Variants in NCAM2 observed in about 807,000 individuals in gnomAD.
The protein encoded by NCAM2 is neural cell adhesion molecule 2.
In NCAM2, 30 loss-of-function variants were observed where a neutral mutation model predicts 98.1. The observed-to-expected ratio is 0.31, with a 90% CI of 0.23 to 0.41. NCAM2 has a LOEUF of 0.41. Ranked by LOEUF, NCAM2 falls within the 10% of genes least tolerant of loss-of-function variation. The probability of loss-of-function intolerance (pLI) is 1.00; values close to 1 mark genes in which losing one functional copy is unlikely to be tolerated. For missense variants in NCAM2, 867 were observed against 1,005.8 expected, an observed-to-expected ratio of 0.86 and a Z score of 1.87; for synonymous variants, 368 against 342.4, an observed-to-expected ratio of 1.07 and a Z score of -0.83.
intron 12 of NCAM2, among the ~76,000 whole-genome samples, chr21:21,456,748 G>A (rs188268319): frequency 1.1e-4 from 16 of 152,164 alleles, no homozygotes; most frequent in African/African-American, 3.9e-4. Flanking sequence ...GGCTTTGAGA[G>A]GTATTAAATC....
intron 1 of NCAM2, among the ~76,000 whole-genome samples, chr21:21,279,559 A>C (rs1001838740): frequency 3.3e-5 from 5 of 151,962 alleles, no homozygotes; most frequent in Admixed American, 6.6e-5. Flanking sequence ...GGGTTTCACC[A>C]TGTTTGCCAG....
intron 1 of NCAM2, among the ~76,000 whole-genome samples, chr21:21,202,003 T>A (rs1003512907): frequency 4.6e-5 from 7 of 152,156 alleles, no homozygotes; most frequent in Admixed American, 2.6e-4. Context: ...TATGCATCAG[T>A]GTCGCTTAAA....
At position 21,298,295 on chromosome 21, in the gene NCAM2, T is replaced by G. The variant is rs570557647; in HGVS notation, c.619+6054T>G. Among the ~76,000 whole-genome samples the G allele has an allele frequency of 6.6e-5, 10 of 151,838 alleles. No individual in the cohort carries two copies. In the East Asian group the frequency reaches 1.9e-3, roughly 30 times the overall value. On this transcript the variant is annotated intron_variant, in intron 5 of 17. Coordinates refer to ENST00000400546, the MANE Select transcript of NCAM2 (RefSeq NM_004540.5). ...TTGAATCATGTAATTGAATCAACCA[T>G]GCAGACAGCTATTTTAAGTCAGTTT... is the stretch of plus-strand genomic sequence containing the variant.
intron 1 of NCAM2, among the ~76,000 whole-genome samples, chr21:21,217,177 A>G (rs1285876915): frequency 2.0e-5 from 3 of 152,168 alleles, no homozygotes; most frequent in African/African-American, 7.2e-5. Flanking sequence ...TAAACAGTAT[A>G]TCTGATATTT....
chr21:21,498,223 C>T (rs560784451), intron 15 of NCAM2, among the ~76,000 whole-genome samples: 1 of 152,066 alleles, frequency 6.6e-6, no homozygotes, highest in Non-Finnish European at 1.5e-5. Context: ...GTAATTTCAT[C>T]AAATTAAGTG....
chr21:21,302,722 C>T (rs1293877677), intron 5 of NCAM2, among the ~76,000 whole-genome samples: 1 of 152,062 alleles, frequency 6.6e-6, no homozygotes, highest in African/African-American at 2.4e-5. Context: ...AACAGATATA[C>T]TATTCAACCC....
intron 9 of NCAM2, among the ~76,000 whole-genome samples, chr21:21,407,848 T>C (rs2076773871): frequency 6.6e-6 from 1 of 152,206 alleles, no homozygotes; most frequent in Non-Finnish European, 1.5e-5. Flanking sequence ...AATAAAGATA[T>C]AGACGTAAAC....
rs1555829682 is a variant in NCAM2 at position 21,214,722 on chromosome 21, CATATATATATATAT to C, written c.56-65844_56-65831del. ...TCAGGGGGAGTAAATATATATATTCCATATATATATATATATATATATATACACTATATATACAC... is the reference window on the plus strand; with the variant it reads ...TCAGGGGGAGTAAATATATATATTCCATATATATATACACTATATATACAC... On this transcript the variant is annotated intron_variant, in intron 1 of 17. Coordinates refer to ENST00000400546, the MANE Select transcript of NCAM2 (RefSeq NM_004540.5). 5.1e-4 allele frequency among the ~76,000 whole-genome samples: 47 copies of C among 92,610 alleles called. 2 individuals are homozygous for C. The highest frequency in any genetic ancestry group is 1.6e-3 in the African/African-American group (45 of 28,120). 60.8% of individuals were successfully genotyped at this position (92,610 alleles called of 152,430 possible).
intron 1 of NCAM2, among the ~76,000 whole-genome samples, chr21:21,191,703 C>A (rs2068829466): frequency 6.6e-6 from 1 of 152,080 alleles, no homozygotes; most frequent in Non-Finnish European, 1.5e-5. Flanking sequence ...TTTTAATTAT[C>A]ATCATTAATT....
chr21:21,457,001 T>A (rs1226900018), intron 12 of NCAM2, among the ~76,000 whole-genome samples: 2 of 152,196 alleles, frequency 1.3e-5, no homozygotes, highest in Non-Finnish European at 2.9e-5. Context: ...ATTGTCTAAA[T>A]GTAATAAGCC....
intron 1 of NCAM2, among the ~76,000 whole-genome samples, chr21:21,174,664 G>C (rs1442754411): frequency 2.0e-5 from 3 of 151,992 alleles, no homozygotes; most frequent in Non-Finnish European, 4.4e-5. Context: ...AATCCTGTTA[G>C]GTGCTTGTCA....
rs542486812 is a variant in NCAM2, at chr21:21,244,795, C to T, written c.56-35783C>T. On this transcript the variant is annotated intron_variant, in intron 1 of 17. Transcript: ENST00000400546. Reference sequence around the variant, plus strand: ...CTGGGAGGCGGAGGTTGCAGTGAGCCGAGATCGCGCCACTGCACTCCTACC... The same window carrying T: ...CTGGGAGGCGGAGGTTGCAGTGAGCTGAGATCGCGCCACTGCACTCCTACC... Among the ~76,000 whole-genome samples, 276 of 140,794 alleles carry T rather than the reference C, an allele frequency of 2.0e-3. 1 individual carries two copies. Among genetic ancestry groups the T allele is most frequent in the Middle Eastern group, 3.7e-3 (1 of 270 alleles). The allele number at this position is 140,794 out of a possible 152,430, so 92.4% of individuals were successfully genotyped here.
intron 1 of NCAM2, among the ~76,000 whole-genome samples, chr21:21,191,955 C>G (rs1686353371): frequency 6.6e-6 from 1 of 152,116 alleles, no homozygotes; most frequent in African/African-American, 2.4e-5. Context: ...GGTGCGGTGG[C>G]TCATCCCTGT....
At chr21:21,023,610 A>T (rs577652964) in intron 1 of NCAM2, among the ~76,000 whole-genome samples, 24 of 152,086 alleles carry the variant, frequency 1.6e-4, no homozygotes, top group Non-Finnish European at 3.2e-4. Flanking sequence ...TTAATAGATG[A>T]TGTCTCCCAA....
chr21:21,541,475 T>C lies in NCAM2; in HGVS notation c.*3518T>C, dbSNP rs1188598371. On this transcript the variant is annotated 3_prime_UTR_variant, in exon 18 of 18. Coordinates refer to ENST00000400546, the MANE Select transcript of NCAM2 (RefSeq NM_004540.5). ...AATATTCTTAATCTGTTCTGTATTGTTTTTCTAAACAATAAATACATTCTA... is the reference window on the plus strand; with the variant it reads ...AATATTCTTAATCTGTTCTGTATTGCTTTTCTAAACAATAAATACATTCTA... 6.6e-6 allele frequency: 1 copy of C among 151,738 alleles called. No homozygotes were observed. The highest frequency in any genetic ancestry group is 1.5e-5 in the Non-Finnish European group (1 of 67,756). 9.4% of individuals were successfully genotyped at this position (151,738 alleles called of 1,614,324 possible). A position where few individuals can be genotyped will look rare whatever the true frequency, so the allele number is the denominator to read the frequency against.
At chr21:21,331,511 C>CATATATATATATATATA (rs2074684625) in intron 6 of NCAM2, among the ~76,000 whole-genome samples, 1 of 6,552 alleles carries the variant, frequency 1.5e-4, no homozygotes, top group Non-Finnish European at 3.2e-4. Context: ...TCTATACTCT[C>CATATATATATATATATA]TCTCTCTATA....
At chr21:21,009,985 G>A (rs1036882509) in intron 1 of NCAM2, among the ~76,000 whole-genome samples, 2 of 149,822 alleles carry the variant, frequency 1.3e-5, no homozygotes, top group African/African-American at 4.9e-5. Flanking sequence ...TTTATTGGAC[G>A]GAGTACATTT....
Position 20,998,513 on chromosome 21 carries a change from A to G in NCAM2, c.-51A>G, listed in dbSNP as rs556205774. On this transcript the variant is annotated 5_prime_UTR_variant, in exon 1 of 18. Transcript: ENST00000400546. ...CGGGGCAGCGAAAGGTTCTCTCTCCAGGGCTGGACTTAATAACTTTGAAAC... is the reference window on the plus strand; with the variant it reads ...CGGGGCAGCGAAAGGTTCTCTCTCCGGGGCTGGACTTAATAACTTTGAAAC... The G allele has an allele frequency of 5.7e-6, 9 of 1,590,420 alleles. No homozygotes were observed. In the African/African-American group the frequency reaches 8.1e-5, roughly 14 times the overall value.
rs202018731 is a variant in NCAM2, at chr21:21,106,314, C to CAAAAAAAAAAAAAAAAAA, written c.55+107711_55+107712insAAAAAAAAAAAAAAAAAA. Among the ~76,000 whole-genome samples the CAAAAAAAAAAAAAAAAAA allele has an allele frequency of 7.5e-4, 78 of 103,450 alleles. 2 individuals are homozygous for CAAAAAAAAAAAAAAAAAA. Among genetic ancestry groups the CAAAAAAAAAAAAAAAAAA allele is most frequent in the African/African-American group, 1.7e-3 (38 of 22,314 alleles). 67.9% of individuals were successfully genotyped at this position (103,450 alleles called of 152,430 possible). ...CAGAATGAGAGACATGTCTCAAAAG[C>CAAAAAAAAAAAAAAAAAA]AAAAAAAAAAAAAAAGGAACAGCCA... On this transcript the variant is annotated intron_variant, in intron 1 of 17. Transcript: ENST00000400546.
Sources: gnomAD v4.1 joint callset for allele counts (sites outside exome capture counted in the v4.1 genomes callset) on GRCh38, gnomAD v4.1.1 for gene constraint, MANE v1.5 for transcripts, NCBI Gene and HGNC (gene_info 2026-07-23, HGNC 2026-07-21) for gene names.